Variants in MYH9 observed in about 807,000 individuals in gnomAD.
The protein encoded by MYH9 is myosin-9.
A neutral mutation model predicts 241.9 loss-of-function variants in MYH9; 29 were observed. The observed-to-expected ratio is 0.12, with a 90% CI of 0.09 to 0.16. The LOEUF (loss-of-function observed/expected upper bound fraction) is 0.16. MYH9 is among the 10% of genes least tolerant of loss of function. The probability of loss-of-function intolerance (pLI) is 1.00; values close to 1 mark genes in which losing one functional copy is unlikely to be tolerated. For synonymous variants in MYH9, 1,047 were observed against 1,062.6 expected (o/e 0.99, Z 0.29); for missense variants, 1,803 against 2,595.5 (o/e 0.69, Z 6.63).
chr22:36,361,605 G>A (rs1246359376), intron 1 of MYH9, among the ~76,000 whole-genome samples: 1 of 152,146 alleles, frequency 6.6e-6, no homozygotes, highest in Admixed American at 6.5e-5. Context: ...ACCAGAATGT[G>A]GTACATAGAG....
chr22:36,327,625 C>T (rs1264545397), intron 3 of MYH9, 137 bp from the exon 4 acceptor site: 5 of 1,019,338 alleles, frequency 4.9e-6, no homozygotes, highest in African/African-American at 4.8e-5. Context: ...CGCAGTCTAC[C>T]CTCACACCTG....
intron 3 of MYH9, among the ~76,000 whole-genome samples, chr22:36,339,864 T>C (rs2017556048): frequency 6.6e-6 from 1 of 152,134 alleles, no homozygotes; most frequent in African/African-American, 2.4e-5. Flanking sequence ...ACATGGGCCC[T>C]GTCTGTATCT....
chr22:36,292,627 C>G (rs1460482156), intron 30 of MYH9, among the ~76,000 whole-genome samples: 1 of 152,222 alleles, frequency 6.6e-6, no homozygotes, highest in Non-Finnish European at 1.5e-5. Flanking sequence ...ATCAGGCACG[C>G]TCGCGGGCTA....
rs1395501700 is a variant in MYH9 at position 36,294,167 on chromosome 22, C to A, written c.3762G>T (p.Leu1254=). Residue 1254 remains leucine, a synonymous_variant, in exon 28 of 41, where the codon CTG becomes CTT. Coordinates refer to ENST00000216181, the MANE Select transcript of MYH9 (RefSeq NM_002473.6). ...CGTTGAACTTGACCTGCAGCTCCTG[C>A]AGCTGCGCCTCCACTTTCTTGCGCT... ...EHKRKKVEAQ[L]QELQVKFNEG... 6.2e-7 allele frequency: 1 copy of A among 1,613,454 alleles called. No homozygotes were observed.
Position 36,288,654 on chromosome 22 carries a change from A to G in MYH9, c.4770+73T>C. On this transcript the variant is annotated intron_variant, in intron 33 of 40. Coordinates refer to ENST00000216181, the MANE Select transcript of MYH9 (RefSeq NM_002473.6). The surrounding 1 kb of genome is among the most constrained non-coding windows in gnomAD (Gnocchi z 4.8). ...GGGGCCCTAACACAATCCAGGTGGA[A>G]GGAGAGAACAGAAGCCTGCGTGAAG... 1.3e-6 allele frequency: 2 copies of G among 1,555,086 alleles called. No individual in the cohort carries two copies. Among genetic ancestry groups the G allele is most frequent in the Non-Finnish European group, 1.8e-6 (2 of 1,140,478 alleles).
At chr22:36,356,503 C>A (rs1451053535) in intron 1 of MYH9, among the ~76,000 whole-genome samples, 1 of 147,778 alleles carries the variant, frequency 6.8e-6, no homozygotes, top group Non-Finnish European at 1.5e-5. Context: ...ATCGCTTGAA[C>A]CCAGGAGGCA....
intron 1 of MYH9, among the ~76,000 whole-genome samples, chr22:36,380,406 GA>G (rs2146426748): frequency 6.6e-6 from 1 of 152,308 alleles, no homozygotes; most frequent in Non-Finnish European, 1.5e-5. Flanking sequence ...GACAGAGTGG[GA>G]AGGGGCATAA....
At chr22:36,321,865 TGGGGAGCTAGAGAGCACG>T in intron 6 of MYH9, 44 bp from the exon 7 acceptor site, 1 of 1,558,332 alleles carries the variant, frequency 6.4e-7, no homozygotes, top group Non-Finnish European at 8.9e-7. Flanking sequence ...GCCCCTGACA[TGGGGAGCTAGAGAGCACG>T]GGGGAGACCA....
intron 15 of MYH9, chr22:36,308,989 A>T: frequency 2.1e-6 from 1 of 473,980 alleles, no homozygotes; most frequent in Non-Finnish European, 2.8e-6. Context: ...GGAATGCAAC[A>T]TGGCGCGGGG....
rs4820232 is a variant in MYH9 at position 36,314,496 on chromosome 22, A to G, written c.1381-178T>C. Among the ~76,000 whole-genome samples, 81,594 of 152,074 alleles carry G rather than the reference A, an allele frequency of 0.54. 24,211 individuals carry two copies. The highest frequency in any genetic ancestry group is 0.68 in the Non-Finnish European group (45,952 of 67,970). On this transcript the variant is annotated intron_variant, in intron 12 of 40. Coordinates refer to ENST00000216181, the MANE Select transcript of MYH9 (RefSeq NM_002473.6). ...TCCCTTTATCCACCCAGCAGTGGGCAACATTTACTCTTTGGAGCCAGTGAC... is the reference window on the plus strand; with the variant it reads ...TCCCTTTATCCACCCAGCAGTGGGCGACATTTACTCTTTGGAGCCAGTGAC...
Position 36,314,127 on chromosome 22 carries a change from A to G in MYH9, c.1554+18T>C, listed in dbSNP as rs1294996635. 1 of 1,612,738 alleles carries G rather than the reference A, an allele frequency of 6.2e-7. No individual in the cohort carries two copies. The highest frequency in any genetic ancestry group is 1.1e-5 in the South Asian group (1 of 91,066). On this transcript the variant is annotated intron_variant, in intron 13 of 40. Coordinates refer to ENST00000216181, the MANE Select transcript of MYH9 (RefSeq NM_002473.6). The stretch of plus-strand genomic sequence containing the variant: ...AAGCCAGAGGCAGGTGTGAGGTCAA[A>G]GCAAGCCTGGTACTCACTGGCTTCT...
In MYH9 at chr22:36,304,131, T is replaced by G. The variant is rs1358930244; in HGVS notation, c.2254A>C (p.Asn752His). Residue 752 changes from asparagine to histidine, a missense_variant, in exon 19 of 41, where the codon AAT (asparagine) becomes CAT (histidine). Physicochemically the swap from Asn to His is moderately conservative, Grantham distance 68 (BLOSUM62 1). Coordinates refer to ENST00000216181, the MANE Select transcript of MYH9 (RefSeq NM_002473.6). Reference protein sequence around the residue: ...LMIKALELDSNLYRIGQSKVF... With the variant: ...LMIKALELDSHLYRIGQSKVF... ...TTGCTCTGGCCAATGCGGTACAGATTGCTGTCGAGCTCCAGGGCTTTTATC... is the reference window on the plus strand; with the variant it reads ...TTGCTCTGGCCAATGCGGTACAGATGGCTGTCGAGCTCCAGGGCTTTTATC... The G allele has an allele frequency of 6.2e-7, 1 of 1,613,434 alleles. No individual in the cohort carries two copies. The highest frequency in any genetic ancestry group is 8.5e-7 in the Non-Finnish European group (1 of 1,180,022).
intron 12 of MYH9, 22 bp downstream of exon 12, chr22:36,316,495 G>A: frequency 6.2e-7 from 1 of 1,614,054 alleles, no homozygotes; most frequent in Non-Finnish European, 8.5e-7. Flanking sequence ...CAGCAGGGTG[G>A]GTAATGAAGG....
At position 36,341,298 on chromosome 22, in the gene MYH9, G is replaced by A. The variant is rs568727381; in HGVS notation, c.490+72C>T. The A allele has an allele frequency of 1.1e-3, 1,732 of 1,582,078 alleles. 3 individuals are homozygous for A. Among genetic ancestry groups the A allele is most frequent in the Non-Finnish European group, 1.4e-3 (1,632 of 1,154,900 alleles). ...TCAATGTGGCACCAAATGTGACTTA[G>A]CACCTGCAAAGGTGTCAATGAGGCC... On this transcript the variant is annotated intron_variant, in intron 3 of 40. Coordinates refer to ENST00000216181, the MANE Select transcript of MYH9 (RefSeq NM_002473.6).
intron 1 of MYH9, among the ~76,000 whole-genome samples, chr22:36,372,578 T>C (rs972773801): frequency 2.6e-5 from 4 of 151,718 alleles, no homozygotes; most frequent in Non-Finnish European, 4.4e-5. Context: ...TTGTATTTAA[T>C]CATGGGAGGT....
chr22:36,316,630 C>T lies in MYH9; in HGVS notation c.1267G>A (p.Glu423Lys). 6.2e-7 allele frequency: 1 copy of T among 1,614,080 alleles called. No homozygotes were observed. Among genetic ancestry groups the T allele is most frequent in the Non-Finnish European group, 8.5e-7 (1 of 1,180,038 alleles). ...AGCACCAGCCAGCGGAACATCCGCTCATAGGTCGCCTTGGCCAAGGCCTCG... is the reference window on the plus strand; with the variant it reads ...AGCACCAGCCAGCGGAACATCCGCTTATAGGTCGCCTTGGCCAAGGCCTCG... ...AIEALAKATY[E>K]RMFRWLVLRI... is the part of the protein sequence containing the mutation. Residue 423 changes from glutamate (E) to lysine (K), a missense_variant, in exon 12 of 41, where the codon GAG becomes AAG. This residue lies in a region of MYH9 where 222 missense variants were observed against 359.9 expected (regional missense o/e 0.62). Coordinates refer to ENST00000216181, the MANE Select transcript of MYH9 (RefSeq NM_002473.6).
At chr22:36,376,879 AT>A (rs1380272924) in intron 1 of MYH9, among the ~76,000 whole-genome samples, 1 of 152,198 alleles carries the variant, frequency 6.6e-6, no homozygotes, top group South Asian at 2.1e-4. Flanking sequence ...CCTAGCCAGC[AT>A]GGTGAAACCC....
At chr22:36,284,982 G>C in intron 38 of MYH9, 139 bp downstream of exon 38, 1 of 774,066 alleles carries the variant, frequency 1.3e-6, no homozygotes, top group Non-Finnish European at 2.1e-6. Flanking sequence ...GAAGGGATGA[G>C]GGCCCCATCA....
chr22:36,325,101 GCT>G (rs763220903), intron 5 of MYH9: 5 of 774,090 alleles, frequency 6.5e-6, no homozygotes, highest in Admixed American at 3.4e-5. Context: ...TAACCTCACA[GCT>G]CTGTTTTTAA....
Sources: allele counts gnomAD v4.1 joint callset (sites outside exome capture counted in the v4.1 genomes callset), GRCh38; gene constraint gnomAD v4.1.1; regional missense constraint gnomAD v4.1.1; non-coding constraint Gnocchi (gnomAD v3.1); transcripts MANE v1.5; gene names NCBI Gene and HGNC (gene_info 2026-07-23, HGNC 2026-07-21).